The following RANGAP1 variants were observed in gnomAD, a reference collection of about 807,000 sequenced individuals.
RANGAP1 encodes ran GTPase-activating protein 1.
A neutral mutation model predicts 63.5 loss-of-function variants in RANGAP1; 38 were observed. That is an observed-to-expected ratio of 0.60 (90% confidence interval 0.46 to 0.78). The LOEUF is 0.78. RANGAP1 is among the 30% of genes least tolerant of loss of function. The probability of loss-of-function intolerance (pLI) is 0.00; values close to 1 mark genes in which losing one functional copy is unlikely to be tolerated. For synonymous variants in RANGAP1, 329 were observed against 310.5 expected, an observed-to-expected ratio of 1.06 and a Z score of -0.63; for missense variants, 630 against 740.3, an observed-to-expected ratio of 0.85 and a Z score of 1.73.
At chr22:41,275,713 A>G (rs1021613772) in intron 2 of RANGAP1, among the ~76,000 whole-genome samples, 1 of 151,912 alleles carries the variant, frequency 6.6e-6, no homozygotes, top group Admixed American at 6.6e-5. Context: ...TGGGAGGCGG[A>G]AGTTGTAGTG....
rs755223961 is a variant in RANGAP1, at chr22:41,268,140, T to C, written c.257A>G (p.Asp86Gly). 6.4e-7 allele frequency: 1 copy of C among 1,556,286 alleles called. No individual in the cohort carries two copies. Among genetic ancestry groups the C allele is most frequent in the East Asian group, 2.4e-5 (1 of 41,528 alleles). ...GGTCCGCAGCCTTCCCGTGAACATG[T>C]CACTCCAGTGGCAGCGCTGCAACGG... The part of the protein sequence containing the change: ...KSELKRCHWS[D>G]MFTGRLRTEI... The change falls in exon 4 of 16, where the codon GAC becomes GGC. Residue 86 changes from aspartate (D) to glycine (G), a missense_variant. Asp to Gly is a moderately conservative substitution (Grantham distance 94). Transcript: ENST00000356244.
chr22:41,278,397 A>T (rs756861800), intron 2 of RANGAP1, among the ~76,000 whole-genome samples: 3 of 152,206 alleles, frequency 2.0e-5, no homozygotes, highest in African/African-American at 4.8e-5. Flanking sequence ...GGCATGTCAT[A>T]CCACCTCCCT....
At position 41,280,994 on chromosome 22, in the gene RANGAP1, C is replaced by G; in HGVS notation, c.51G>C (p.Gln17His). The stretch of plus-strand genomic sequence containing the variant: ...TGAAACTCAGCTGTCCCCCGGCCAC[C>G]TGAGTCTTGGCAAGTGTCTCTGCCA... ...AKLAETLAKT[Q>H]VAGGQLSFKG... is the part of the protein sequence containing the mutation. Residue 17 changes from glutamine (Q) to histidine (H), a missense_variant, in exon 2 of 16, where the codon CAG becomes CAC. Coordinates refer to ENST00000356244, the MANE Select transcript of RANGAP1 (RefSeq NM_002883.4). 3 of 1,613,302 alleles carry G rather than the reference C, an allele frequency of 1.9e-6. No homozygotes were observed. The highest frequency in any genetic ancestry group is 2.5e-6 in the Non-Finnish European group (3 of 1,179,696).
chr22:41,270,862 C>T (rs570699495), intron 3 of RANGAP1, among the ~76,000 whole-genome samples: 2 of 152,290 alleles, frequency 1.3e-5, no homozygotes, highest in South Asian at 2.1e-4. Flanking sequence ...CAGCCGGAGC[C>T]GGAGCGCCAC....
chr22:41,256,422 A>G, intron 8 of RANGAP1, 132 bp from the exon 9 acceptor site: 1 of 827,658 alleles, frequency 1.2e-6, no homozygotes, highest in Non-Finnish European at 1.9e-6. Flanking sequence ...GTGGGCAGGA[A>G]GAATAACACC....
rs1325181290 is a variant in RANGAP1, at chr22:41,245,764, G to A, written c.*839C>T. The A allele has an allele frequency of 6.6e-6, 1 of 152,462 alleles. No individual in the cohort carries two copies. The highest frequency in any genetic ancestry group is 2.4e-5 in the African/African-American group (1 of 41,432). 9.4% of individuals were successfully genotyped at this position (152,462 alleles called of 1,614,324 possible). A position where few individuals can be genotyped will look rare whatever the true frequency, so the allele number is the denominator to read the frequency against. On this transcript the variant is annotated 3_prime_UTR_variant, in exon 16 of 16. Transcript: ENST00000356244. ...CCCTACCGCTCCCCTGCCCCAGGAG[G>A]TCCTTTAAGAGCAGCGTCCAGATGC... is the stretch of plus-strand genomic sequence containing the variant.
chr22:41,256,364 T>A, intron 8 of RANGAP1, 74 bp from the exon 9 acceptor site: 3 of 1,449,330 alleles, frequency 2.1e-6, no homozygotes, highest in Non-Finnish European at 2.9e-6. Context: ...TAAGCCTCAG[T>A]TTCCCCAAGT....
In RANGAP1 at chr22:41,256,097, G is replaced by T; in HGVS notation, c.997C>A (p.Leu333Met). 2 of 1,614,138 alleles carry T rather than the reference G, an allele frequency of 1.2e-6. No homozygotes were observed. Among genetic ancestry groups the T allele is most frequent in the Non-Finnish European group, 8.5e-7 (1 of 1,180,032 alleles). Residue 333 changes from leucine to methionine, a missense_variant, in exon 10 of 16, where the codon CTG (leucine) becomes ATG (methionine). Physicochemically the swap from Leu to Met is conservative, Grantham distance 15. Around this residue, in one of 3 missense-constraint regions of RANGAP1, gnomAD observed 428 missense variants for 465.5 expected, o/e 0.92. Transcript: ENST00000356244. ...LEKLDLNGNT[L>M]GEEGCEQLQE... The stretch of plus-strand genomic sequence containing the variant: ...AGCTGTTCACAGCCTTCTTCTCCCA[G>T]GGTGTTGCCTGCTCAAGGGGAGGGA...
At chr22:41,252,017 G>A (rs1431593757) in intron 12 of RANGAP1, among the ~76,000 whole-genome samples, 2 of 152,086 alleles carry the variant, frequency 1.3e-5, no homozygotes, top group African/African-American at 2.4e-5. Context: ...TGTAACCTCC[G>A]AGCCTCCGCT....
chr22:41,284,233 C>G (rs1569216303), intron 1 of RANGAP1, among the ~76,000 whole-genome samples: 1 of 150,852 alleles, frequency 6.6e-6, no homozygotes, highest in Non-Finnish European at 1.5e-5. Flanking sequence ...GGCAACAGAG[C>G]GAGACTCACC....
the RANGAP1 span, among the ~76,000 whole-genome samples, chr22:41,300,217 C>G: frequency 6.6e-6 from 1 of 151,948 alleles, no homozygotes; most frequent in Non-Finnish European, 1.5e-5. Context: ...GGACAGTCCT[C>G]TTCAAGAATA....
chr22:41,263,538 C>T (rs1289175659), intron 5 of RANGAP1, among the ~76,000 whole-genome samples: 3 of 152,204 alleles, frequency 2.0e-5, no homozygotes, highest in Non-Finnish European at 2.9e-5. Flanking sequence ...GCACCTGCCA[C>T]CACACCCAGC....
At chr22:41,274,783 TAGGAGAG>T in intron 2 of RANGAP1, 56 bp from the exon 3 acceptor site, 1 of 1,603,564 alleles carries the variant, frequency 6.2e-7, no homozygotes, top group Non-Finnish European at 8.5e-7. Context: ...ACAGCTAAGA[TAGGAGAG>T]AGGTTGGCAA....
chr22:41,284,896 C>T (rs2035677684), intron 1 of RANGAP1: 1 of 152,212 alleles, frequency 6.6e-6, no homozygotes, highest in Non-Finnish European at 1.5e-5. Flanking sequence ...TGCAATAACT[C>T]ACACCTGTAA....
chr22:41,256,972 T>A, intron 7 of RANGAP1, 148 bp from the exon 8 acceptor site: 1 of 635,900 alleles, frequency 1.6e-6, no homozygotes, highest in Non-Finnish European at 2.7e-6. Flanking sequence ...GTCTTCTACT[T>A]GTTGGCCTCT....
Position 41,281,477 on chromosome 22 carries a change from TTC to T in RANGAP1, c.-38-397_-38-396del, listed in dbSNP as rs913826263. On this transcript the variant is annotated intron_variant, in intron 1 of 15. Coordinates refer to ENST00000356244, the MANE Select transcript of RANGAP1 (RefSeq NM_002883.4). ...CACACCTGCTTGAGCATCTTGGCTG[TTC>T]TCTGTTTGAGGGTCCCATTCCTCAA... is the stretch of plus-strand genomic sequence containing the variant. 35 of 995,554 alleles carry T rather than the reference TTC, an allele frequency of 3.5e-5. No individual in the cohort carries two copies. In the South Asian group the frequency reaches 6.2e-4, roughly 18 times the overall value. 61.7% of individuals were successfully genotyped at this position (995,554 alleles called of 1,614,324 possible).
chr22:41,255,989 C>A, intron 10 of RANGAP1, 32 bp downstream of exon 10: 2 of 1,598,046 alleles, frequency 1.3e-6, no homozygotes, highest in Non-Finnish European at 1.7e-6. Context: ...ATGGCCTGAC[C>A]CCGACCTCTG....
At chr22:41,288,947 G>C (rs1023403264), upstream of RANGAP1, among the ~76,000 whole-genome samples, 1 of 123,978 alleles carries the variant, frequency 8.1e-6, no homozygotes, top group African/African-American at 3.0e-5. Context: ...TTTTGAGATG[G>C]AGTTTCACTC....
the RANGAP1 span, among the ~76,000 whole-genome samples, chr22:41,301,124 A>G: frequency 6.6e-6 from 1 of 152,106 alleles, no homozygotes; most frequent in Admixed American, 6.6e-5. Context: ...ACTCCAGCCA[A>G]GTGAGGTCCT....
Sources: gnomAD v4.1 joint callset for allele counts (sites outside exome capture counted in the v4.1 genomes callset) on GRCh38, gnomAD v4.1.1 for gene constraint, gnomAD v4.1.1 regional missense constraint, MANE v1.5 for transcripts, NCBI Gene and HGNC (gene_info 2026-07-23, HGNC 2026-07-21) for gene names.